PAPPA2: variants seen among roughly 807,000 people sequenced by gnomAD.
The protein encoded by PAPPA2 is pappalysin-2.
PAPPA2 carries 86 observed loss-of-function variants against 176.4 expected under a neutral mutation model. The observed-to-expected ratio is 0.49, with a 90% CI of 0.41 to 0.58. The LOEUF (loss-of-function observed/expected upper bound fraction) is 0.58, where lower values mean the gene tolerates loss of function less well. Among genes scored for constraint, PAPPA2 ranks in the 20% least tolerant of loss-of-function variants. The pLI is 0.00. For synonymous variants in PAPPA2, 809 were observed against 852.2 expected, an observed-to-expected ratio of 0.95 and a Z score of 0.88; for missense variants, 2,073 against 2,256.9, an observed-to-expected ratio of 0.92 and a Z score of 1.65.
intron 12 of PAPPA2, among the ~76,000 whole-genome samples, chr1:176,736,488 T>TATAC (rs1419059560): frequency 6.8e-6 from 1 of 147,276 alleles, no homozygotes; most frequent in Non-Finnish European, 1.5e-5. Context: ...TGTAAAAATA[T>TATAC]ATATTTATAT....
At chr1:176,693,888 G>A (rs189365445) in intron 6 of PAPPA2, among the ~76,000 whole-genome samples, 7 of 152,260 alleles carry the variant, frequency 4.6e-5, no homozygotes, top group East Asian at 3.9e-4. Flanking sequence ...TTTTACATCC[G>A]TTTATGTAAC....
At chr1:176,706,231 G>T (rs573253051) in intron 9 of PAPPA2, 128 bp from the exon 10 acceptor site, 1 of 689,250 alleles carries the variant, frequency 1.5e-6, no homozygotes, top group South Asian at 1.9e-5. Context: ...CATTCTTCTA[G>T]CTCCTACTTT....
intron 3 of PAPPA2, among the ~76,000 whole-genome samples, chr1:176,654,122 C>T (rs554288003): frequency 1.3e-5 from 2 of 151,752 alleles, no homozygotes; most frequent in East Asian, 1.9e-4. Flanking sequence ...CATTCATAAT[C>T]ATTGCCTAGA....
chr1:176,519,677 A>G (rs1261676699), intron 1 of PAPPA2, among the ~76,000 whole-genome samples: 2 of 152,312 alleles, frequency 1.3e-5, no homozygotes, highest in South Asian at 2.1e-4. Context: ...AGTAGAAACA[A>G]CATGACTGCC....
chr1:176,543,428 A>G (rs1218891138), intron 1 of PAPPA2, among the ~76,000 whole-genome samples: 1 of 151,882 alleles, frequency 6.6e-6, no homozygotes, highest in East Asian at 1.9e-4. Flanking sequence ...CCTTCTCAAT[A>G]TTGAGCCCCA....
At chr1:176,691,180 A>G (rs1239568207) in intron 5 of PAPPA2, 5 of 981,346 alleles carry the variant, frequency 5.1e-6, no homozygotes, top group Non-Finnish European at 6.1e-6. Flanking sequence ...TTATCCCTAA[A>G]ATTAAAGACT....
intron 3 of PAPPA2, among the ~76,000 whole-genome samples, chr1:176,661,794 C>T (rs1658374644): frequency 6.6e-6 from 1 of 152,022 alleles, no homozygotes; most frequent in South Asian, 2.1e-4. Context: ...CTTCTCTGTC[C>T]TCCAGAACAG....
At chr1:176,783,560 A>G (rs1664807106) in intron 17 of PAPPA2, among the ~76,000 whole-genome samples, 1 of 152,218 alleles carries the variant, frequency 6.6e-6, no homozygotes, top group African/African-American at 2.4e-5. Context: ...GGAAATTGGG[A>G]AACGCACCTT....
intron 21 of PAPPA2, among the ~76,000 whole-genome samples, chr1:176,808,912 A>C (rs1666024442): frequency 1.3e-5 from 2 of 152,226 alleles, no homozygotes; most frequent in South Asian, 4.1e-4. Flanking sequence ...TACTTAGAGA[A>C]AAGTTTGCAG....
chr1:176,741,869 A>T (rs1485257686), intron 14 of PAPPA2, among the ~76,000 whole-genome samples: 3 of 152,208 alleles, frequency 2.0e-5, no homozygotes, highest in Non-Finnish European at 4.4e-5. Context: ...TATATTTTCA[A>T]ATTATATTCT....
At chr1:176,481,098 C>A (rs149025944) in intron 1 of PAPPA2, among the ~76,000 whole-genome samples, 1 of 152,076 alleles carries the variant, frequency 6.6e-6, no homozygotes, top group Admixed American at 6.6e-5. Flanking sequence ...TAAGTTTGAA[C>A]GTAAAGTGAC....
At position 176,791,498 on chromosome 1, in the gene PAPPA2, A is replaced by G. The variant is rs758894651; in HGVS notation, c.5020+16A>G. ...TATGGGATTGGTAAGGATAGGAGTGAATCTTAAAGTCAATTTCTATGTCAT... is the reference window on the plus strand; with the variant it reads ...TATGGGATTGGTAAGGATAGGAGTGGATCTTAAAGTCAATTTCTATGTCAT... On this transcript the variant is annotated intron_variant, in intron 19 of 22. Transcript: ENST00000367662. 1.9e-6 allele frequency: 3 copies of G among 1,599,498 alleles called. No homozygotes were observed. Among genetic ancestry groups the G allele is most frequent in the African/African-American group, 2.7e-5 (2 of 74,254 alleles).
At chr1:176,653,613 A>G (rs1389875635) in intron 3 of PAPPA2, among the ~76,000 whole-genome samples, 1 of 151,632 alleles carries the variant, frequency 6.6e-6, no homozygotes, top group Non-Finnish European at 1.5e-5. Context: ...GTCTTTTATT[A>G]TAAAAGCTTT....
Position 176,609,430 on chromosome 1 carries a change from A to G in PAPPA2, c.1991+13835A>G, listed in dbSNP as rs140844981. On this transcript the variant is annotated intron_variant, in intron 3 of 22. Coordinates refer to ENST00000367662, the MANE Select transcript of PAPPA2 (RefSeq NM_020318.3). ...TGTAGATCAAAGGCCAGACAGTGGT[A>G]AGTGCTAGAGAAGGAAATTCAGCAG... Among the ~76,000 whole-genome samples, 83 of 151,066 alleles carry G rather than the reference A, an allele frequency of 5.5e-4. 1 individual carries two copies. Among genetic ancestry groups the G allele is most frequent in the African/African-American group, 1.9e-3 (80 of 41,038 alleles).
chr1:176,497,030 T>A lies in PAPPA2; in HGVS notation c.-917+33612T>A, dbSNP rs1224605649. On this transcript the variant is annotated intron_variant, in intron 1 of 22. Coordinates refer to ENST00000367662, the MANE Select transcript of PAPPA2 (RefSeq NM_020318.3). ...AGATTTGGACTTACATCTATTACAATCCTATCCCATTGCCAGGACCTGTGA... is the reference window on the plus strand; with the variant it reads ...AGATTTGGACTTACATCTATTACAAACCTATCCCATTGCCAGGACCTGTGA... 2.6e-5 allele frequency among the ~76,000 whole-genome samples: 4 copies of A among 152,118 alleles called. No individual in the cohort carries two copies. The East Asian group carries it at 7.7e-4, about 29-fold the overall frequency.
chr1:176,699,401 G>T lies in PAPPA2; in HGVS notation c.3048G>T (p.Lys1016Asn). The T allele has an allele frequency of 6.2e-7, 1 of 1,614,158 alleles. No individual in the cohort carries two copies. Residue 1016 changes from lysine to asparagine, a missense_variant, in exon 8 of 23, where the codon AAG becomes AAT. Physicochemically the swap from Lys to Asn is moderately conservative, Grantham distance 94. Coordinates refer to ENST00000367662, the MANE Select transcript of PAPPA2 (RefSeq NM_020318.3). Reference sequence around the variant, plus strand: ...CCATCAAACTGCACGTGGATGGGAAGGTGTCGGGGGTGAAAGTCTACACCT... The same window carrying T: ...CCATCAAACTGCACGTGGATGGGAATGTGTCGGGGGTGAAAGTCTACACCT... ...PLTIKLHVDGKVSGVKVYTFD... is the reference protein window; with the variant it reads ...PLTIKLHVDGNVSGVKVYTFD...
At chr1:176,587,929 T>G (rs1653422255) in intron 2 of PAPPA2, among the ~76,000 whole-genome samples, 1 of 152,246 alleles carries the variant, frequency 6.6e-6, no homozygotes, top group South Asian at 2.1e-4. Flanking sequence ...AAAATAGTTT[T>G]TTTTCTAATT....
rs569511654 is a variant in PAPPA2 at position 176,593,350 on chromosome 1, A to C, written c.920-1174A>C. On this transcript the variant is annotated intron_variant, in intron 2 of 22. Coordinates refer to ENST00000367662, the MANE Select transcript of PAPPA2 (RefSeq NM_020318.3). ...AGTCTTATTTAACAAGCTTGGGGAG[A>C]ATGACTCTTGATGTTTACCCAGGTA... Among the ~76,000 whole-genome samples, 118 of 152,306 alleles carry C rather than the reference A, an allele frequency of 7.7e-4. 5 individuals carry two copies. In the South Asian group the frequency reaches 0.024, roughly 31 times the overall value.
intron 21 of PAPPA2, among the ~76,000 whole-genome samples, chr1:176,800,925 T>C (rs1459104003): frequency 6.6e-6 from 1 of 152,120 alleles, no homozygotes; most frequent in East Asian, 1.9e-4. Context: ...CCCCAATCAG[T>C]GGGGGGATGT....
Sources: gnomAD v4.1 joint callset for allele counts (sites outside exome capture counted in the v4.1 genomes callset) on GRCh38, gnomAD v4.1.1 for gene constraint, MANE v1.5 for transcripts, NCBI Gene and HGNC (gene_info 2026-07-23, HGNC 2026-07-21) for gene names.